The following PLCB1 variants were observed in gnomAD, a reference collection of about 807,000 sequenced individuals.
PLCB1 encodes phospholipase C beta 1.
PLCB1 carries 46 observed loss-of-function variants against 161.8 expected under a neutral mutation model. That is an observed-to-expected ratio of 0.28 (90% CI 0.22 to 0.36). PLCB1 has a LOEUF of 0.36. Among genes scored for constraint, PLCB1 ranks in the 10% least tolerant of loss-of-function variants. The pLI is 1.00. For synonymous variants in PLCB1, 517 were observed against 503.7 expected (o/e 1.03, Z -0.35); for missense variants, 1,016 against 1,472.5 (o/e 0.69, Z 5.07).
At chr20:8,696,515 T>G (rs111457390) in intron 10 of PLCB1, among the ~76,000 whole-genome samples, 2,018 of 152,242 alleles carry the variant, frequency 0.013, 50 homozygotes, top group African/African-American at 0.047. Context: ...TTGGATCAGT[T>G]TGCCAATTTT....
chr20:8,849,978 A>C (rs920222821), intron 31 of PLCB1, among the ~76,000 whole-genome samples: 1 of 152,174 alleles, frequency 6.6e-6, no homozygotes, highest in Non-Finnish European at 1.5e-5. Flanking sequence ...ACGCCACTGC[A>C]CTCCAGCCTG....
intron 9 of PLCB1, among the ~76,000 whole-genome samples, chr20:8,678,396 A>G (rs1254280648): frequency 1.3e-5 from 2 of 152,210 alleles, no homozygotes; most frequent in Non-Finnish European, 2.9e-5. Flanking sequence ...ATAGCAATAC[A>G]TGCGTATTAT....
chr20:8,168,378 C>G (rs73895541), intron 2 of PLCB1, among the ~76,000 whole-genome samples: 1,794 of 152,244 alleles, frequency 0.012, 39 homozygotes, highest in African/African-American at 0.039. Flanking sequence ...AATATTAAGG[C>G]AATATGAAGT....
intron 3 of PLCB1, among the ~76,000 whole-genome samples, chr20:8,506,112 T>C (rs1276255391): frequency 6.6e-6 from 1 of 152,242 alleles, no homozygotes; most frequent in Non-Finnish European, 1.5e-5. Flanking sequence ...TAACTTTGTT[T>C]AACATAACAC....
chr20:8,735,451 G>C (rs896320362), intron 19 of PLCB1, among the ~76,000 whole-genome samples: 1 of 152,224 alleles, frequency 6.6e-6, no homozygotes, highest in South Asian at 2.1e-4. Context: ...CTGCAGTAGA[G>C]TCCTACCTTT....
At chr20:8,537,294 A>G (rs1173625622) in intron 3 of PLCB1, among the ~76,000 whole-genome samples, 3 of 152,168 alleles carry the variant, frequency 2.0e-5, no homozygotes, top group Admixed American at 2.0e-4. Context: ...ATGCTGTCCT[A>G]CTTCCTGCAT....
At position 8,381,432 on chromosome 20, in the gene PLCB1, T is replaced by G. The variant is rs939700555; in HGVS notation, c.246+9982T>G. On this transcript the variant is annotated intron_variant, in intron 3 of 31. Coordinates refer to ENST00000338037, the MANE Select transcript of PLCB1 (RefSeq NM_015192.4). The stretch of plus-strand genomic sequence containing the variant: ...TTGTTGTTGTGTCTCTGCCAGGTTT[T>G]GGTAACAGGATGATGCTGGCTTCAT... Among the ~76,000 whole-genome samples the G allele has an allele frequency of 2.6e-5, 4 of 152,198 alleles. No homozygotes were observed. The East Asian group carries it at 7.7e-4, about 29-fold the overall frequency.
At chr20:8,630,436 T>G (rs1165498592) in intron 4 of PLCB1, among the ~76,000 whole-genome samples, 1 of 152,246 alleles carries the variant, frequency 6.6e-6, no homozygotes, top group Non-Finnish European at 1.5e-5. Flanking sequence ...CTAATGTCTT[T>G]AGAAACTACT....
chr20:8,841,554 A>C (rs559204543), intron 31 of PLCB1, among the ~76,000 whole-genome samples: 1 of 152,324 alleles, frequency 6.6e-6, no homozygotes, highest in East Asian at 1.9e-4. Context: ...GTTGAATATC[A>C]AGTTTTTTCT....
chr20:8,456,450 A>T (rs533462361), intron 3 of PLCB1, among the ~76,000 whole-genome samples: 3 of 152,098 alleles, frequency 2.0e-5, no homozygotes, highest in East Asian at 1.9e-4. Flanking sequence ...GTTTTTGGGA[A>T]TTTTTTTTCT....
At chr20:8,383,630 T>C (rs1009780529) in intron 3 of PLCB1, among the ~76,000 whole-genome samples, 16 of 152,320 alleles carry the variant, frequency 1.1e-4, no homozygotes, top group African/African-American at 3.6e-4. Flanking sequence ...CATAGTGTCA[T>C]TCGTCTTTAT....
At chr20:8,744,855 T>C (rs1028498318) in intron 23 of PLCB1, among the ~76,000 whole-genome samples, 8 of 151,976 alleles carry the variant, frequency 5.3e-5, no homozygotes, top group African/African-American at 1.9e-4. Context: ...TTTTCACAAA[T>C]TGATGTCCTT....
chr20:8,526,431 A>G (rs1402893383), intron 3 of PLCB1, among the ~76,000 whole-genome samples: 4 of 152,058 alleles, frequency 2.6e-5, no homozygotes, highest in Admixed American at 6.6e-5. Flanking sequence ...TCTATTTGCA[A>G]TTTCTAGTGT....
chr20:8,336,408 G>A (rs1209197642), intron 2 of PLCB1, among the ~76,000 whole-genome samples: 2 of 152,122 alleles, frequency 1.3e-5, no homozygotes, highest in East Asian at 3.9e-4. Flanking sequence ...TCTATGAATT[G>A]GGAGTATCTA....
intron 3 of PLCB1, among the ~76,000 whole-genome samples, chr20:8,547,258 G>A (rs1017935582): frequency 3.7e-4 from 57 of 152,088 alleles, no homozygotes; most frequent in African/African-American, 1.3e-3. Flanking sequence ...GAAGCCCTAC[G>A]GCAGACTTTG....
At chr20:8,187,537 G>A (rs2051918620) in intron 2 of PLCB1, among the ~76,000 whole-genome samples, 2 of 152,182 alleles carry the variant, frequency 1.3e-5, no homozygotes, top group East Asian at 1.9e-4. Context: ...TAGGTCCATC[G>A]TCTATTTTTT....
rs45464693 is a variant in PLCB1, at chr20:8,774,575, G to A, written c.2967G>A (p.Thr989=). The change falls in exon 27 of 32, where the codon ACG becomes ACA. Residue 989 remains threonine, a synonymous_variant. Coordinates refer to ENST00000338037, the MANE Select transcript of PLCB1 (RefSeq NM_015192.4). ...EPSSPDHGSS[T]IEQDLAALDA... ...GCAGCCCTGATCATGGTTCATCAAC[G>A]ATTGAGCAAGACCTCGCTGCTCTGG... 6.5e-3 allele frequency: 10,529 copies of A among 1,613,416 alleles called. 62 individuals are homozygous for A. Among genetic ancestry groups the A allele is most frequent in the Middle Eastern group, 0.027 (163 of 6,058 alleles).
intron 3 of PLCB1, among the ~76,000 whole-genome samples, chr20:8,420,094 T>C (rs533430315): frequency 6.6e-6 from 1 of 152,322 alleles, no homozygotes; most frequent in South Asian, 2.1e-4. Context: ...ATACATATTA[T>C]AACTTTTACA....
intron 2 of PLCB1, among the ~76,000 whole-genome samples, chr20:8,345,404 G>A (rs1231052456): frequency 3.3e-5 from 5 of 152,134 alleles, no homozygotes; most frequent in Non-Finnish European, 5.9e-5. Context: ...ATCAGGCCTC[G>A]TGTTTAAAAA....
Sources: allele counts gnomAD v4.1 joint callset (sites outside exome capture counted in the v4.1 genomes callset), GRCh38; gene constraint gnomAD v4.1.1; transcripts MANE v1.5; gene names NCBI Gene and HGNC (gene_info 2026-07-23, HGNC 2026-07-21).